PTPRM: variants seen among roughly 807,000 people sequenced by gnomAD.
PTPRM encodes protein tyrosine phosphatase receptor type M, also known as receptor-type tyrosine-protein phosphatase mu.
In PTPRM, 47 loss-of-function variants were observed where a neutral mutation model predicts 186.7. The ratio of observed to expected loss-of-function variants is 0.25; its 90% CI spans 0.20 to 0.32. PTPRM has a LOEUF of 0.32. PTPRM is among the 10% of genes least tolerant of loss of function. The pLI is 1.00. For missense variants in PTPRM, 1,494 were observed against 1,865.0 expected (o/e 0.80, Z 3.66); for synonymous variants, 668 against 674.9 (o/e 0.99, Z 0.16).
intron 1 of PTPRM, among the ~76,000 whole-genome samples, chr18:7,623,787 C>T (rs770305002): frequency 2.0e-5 from 3 of 152,054 alleles, no homozygotes; most frequent in African/African-American, 4.8e-5. Context: ...TTACTTACCC[C>T]CAGAACAAGC....
intron 12 of PTPRM, 94 bp from the exon 13 acceptor site, chr18:8,114,697 C>T: frequency 1.0e-6 from 1 of 980,690 alleles, no homozygotes; most frequent in South Asian, 1.4e-5. Context: ...TGAGATCCTT[C>T]CTTATCAGTG....
intron 2 of PTPRM, among the ~76,000 whole-genome samples, chr18:7,879,602 G>C (rs7231618): frequency 6.6e-6 from 1 of 151,902 alleles, no homozygotes; most frequent in African/African-American, 2.4e-5. Context: ...TAATAAAAAT[G>C]GCCGTTCAGT....
chr18:8,370,843 A>G (rs765358726), intron 23 of PTPRM, 47 bp from the exon 24 acceptor site: 6 of 1,308,164 alleles, frequency 4.6e-6, no homozygotes, highest in Admixed American at 2.2e-5. Flanking sequence ...GAGGAACTCC[A>G]AAAAAACCAA....
chr18:7,962,726 A>T (rs1214957511), intron 7 of PTPRM, among the ~76,000 whole-genome samples: 2 of 152,224 alleles, frequency 1.3e-5, no homozygotes, highest in Non-Finnish European at 2.9e-5. Context: ...TGTGGGAAAA[A>T]AGGAAATAAT....
intron 20 of PTPRM, among the ~76,000 whole-genome samples, chr18:8,313,245 A>G (rs2095282956): frequency 6.6e-6 from 1 of 152,198 alleles, no homozygotes; most frequent in Non-Finnish European, 1.5e-5. Context: ...CTCTAGCAAC[A>G]TTGGAAGTGA....
rs2036448706 is a variant in PTPRM, at chr18:7,567,318, T to G, written c.-501T>G. 1.4e-5 allele frequency: 2 copies of G among 147,994 alleles called. No homozygotes were observed. The highest frequency in any genetic ancestry group is 4.9e-5 in the African/African-American group (2 of 40,936). 9.2% of individuals were successfully genotyped at this position (147,994 alleles called of 1,614,324 possible). A position where few individuals can be genotyped will look rare whatever the true frequency, so the allele number is the denominator to read the frequency against. On this transcript the variant is annotated 5_prime_UTR_variant, in exon 1 of 33. Transcript: ENST00000580170. The surrounding 1 kb of genome is among the most constrained non-coding windows in gnomAD (Gnocchi z 4.3). Reference sequence around the variant, plus strand: ...CAGCCGGCCTGCGGGGCACCGCCAGTCAGTCGGGGAGCAAGAGCCCCGCGC... The same window carrying G: ...CAGCCGGCCTGCGGGGCACCGCCAGGCAGTCGGGGAGCAAGAGCCCCGCGC...
In PTPRM at chr18:7,874,484, T is replaced by C. The variant is rs558556322; in HGVS notation, c.197-13622T>C. Among the ~76,000 whole-genome samples, 8 of 152,158 alleles carry C rather than the reference T, an allele frequency of 5.3e-5. No individual in the cohort carries two copies. The South Asian group carries it at 1.7e-3, about 32-fold the overall frequency. On this transcript the variant is annotated intron_variant, in intron 2 of 32. Coordinates refer to ENST00000580170, the MANE Select transcript of PTPRM (RefSeq NM_001105244.2). ...TGGAAAGCTGATCGATCATTCATCA[T>C]CAAGTGAGGACATTTCAAATGAAGC...
intron 1 of PTPRM, among the ~76,000 whole-genome samples, chr18:7,729,557 G>T (rs2040615908): frequency 6.6e-6 from 1 of 151,978 alleles, no homozygotes; most frequent in African/African-American, 2.4e-5. Flanking sequence ...AGACTTAGAA[G>T]AATATAGTCA....
chr18:8,239,530 G>A (rs9951847), intron 14 of PTPRM, among the ~76,000 whole-genome samples: 37,980 of 151,954 alleles, frequency 0.25, 5,693 homozygotes, highest in African/African-American at 0.42. Flanking sequence ...CCTCTAAGAT[G>A]TGTCCACACT....
At chr18:8,156,171 G>A (rs996575320) in intron 14 of PTPRM, among the ~76,000 whole-genome samples, 1 of 152,142 alleles carries the variant, frequency 6.6e-6, no homozygotes, top group African/African-American at 2.4e-5. Context: ...CCTCTTCTGA[G>A]CTGGACTTTA....
intron 32 of PTPRM, among the ~76,000 whole-genome samples, chr18:8,398,034 G>A (rs77684671): frequency 4.0e-4 from 61 of 152,268 alleles, no homozygotes; most frequent in African/African-American, 1.3e-3. Flanking sequence ...GTGCAGTGGC[G>A]TGATCATAGC....
chr18:7,765,509 A>G (rs2041976210), intron 1 of PTPRM, among the ~76,000 whole-genome samples: 1 of 152,186 alleles, frequency 6.6e-6, no homozygotes, highest in Admixed American at 6.5e-5. Flanking sequence ...TGTGATTTAA[A>G]AGAAGAAAGC....
At chr18:7,699,873 T>C (rs1299412183) in intron 1 of PTPRM, among the ~76,000 whole-genome samples, 7 of 152,192 alleles carry the variant, frequency 4.6e-5, no homozygotes, top group African/African-American at 1.7e-4. Flanking sequence ...CCATCTGGAA[T>C]TGGTTTTTGT....
intron 7 of PTPRM, among the ~76,000 whole-genome samples, chr18:8,001,564 T>G (rs574953334): frequency 3.6e-4 from 55 of 152,176 alleles, no homozygotes; most frequent in Non-Finnish European, 6.2e-4. Context: ...TCCACCAGCC[T>G]AGATACACAC....
chr18:7,962,475 A>G (rs2053747880), intron 7 of PTPRM, among the ~76,000 whole-genome samples: 2 of 152,152 alleles, frequency 1.3e-5, no homozygotes, highest in South Asian at 4.1e-4. Flanking sequence ...TACCCGGTCC[A>G]GTCTAAATGT....
intron 24 of PTPRM, 103 bp from the exon 25 acceptor site, chr18:8,375,943 A>G: frequency 7.8e-7 from 1 of 1,284,878 alleles, no homozygotes; most frequent in South Asian, 1.4e-5. Context: ...CTGGCCCTAG[A>G]CTTGCTACCT....
Position 7,926,694 on chromosome 18 carries a change from T to C in PTPRM, c.663+11T>C, listed in dbSNP as rs370683769. Reference sequence around the variant, plus strand: ...AGGCTCTGGTTACAGGTACAGTAACTCATTTTCATCAGTTGATGAGAGTCC... The same window carrying C: ...AGGCTCTGGTTACAGGTACAGTAACCCATTTTCATCAGTTGATGAGAGTCC... On this transcript the variant is annotated intron_variant, in intron 5 of 32. Transcript: ENST00000580170. 3.6e-5 allele frequency: 57 copies of C among 1,595,392 alleles called. No individual in the cohort carries two copies. The African/African-American group carries it at 6.7e-4, about 19-fold the overall frequency.
chr18:8,159,879 GA>G (rs1361455897), intron 14 of PTPRM, among the ~76,000 whole-genome samples: 1 of 152,002 alleles, frequency 6.6e-6, no homozygotes, highest in East Asian at 1.9e-4. Context: ...AAATTTCAGG[GA>G]TGTAAGTTTC....
chr18:7,888,198 A>C lies in PTPRM; in HGVS notation c.289A>C (p.Ile97Leu). ...PQLKENDTHC[I>L]DFHYFVSSKS... ...ACTTAAAGAAAATGACACCCACTGC[A>C]TCGATTTTCACTATTTTGTGTCCAG... Residue 97 changes from isoleucine (I) to leucine (L), a missense_variant, in exon 3 of 33, where the codon ATC becomes CTC. Physicochemically the swap from Ile to Leu is conservative, Grantham distance 5. This residue lies in a region of PTPRM where 296 missense variants were observed against 345.5 expected (regional missense o/e 0.86). Coordinates refer to ENST00000580170, the MANE Select transcript of PTPRM (RefSeq NM_001105244.2). 6.2e-7 allele frequency: 1 copy of C among 1,614,124 alleles called. No homozygotes were observed.
Sources: gnomAD v4.1 joint callset for allele counts (sites outside exome capture counted in the v4.1 genomes callset) on GRCh38, gnomAD v4.1.1 for gene constraint, gnomAD v4.1.1 regional missense constraint, Gnocchi (gnomAD v3.1) non-coding constraint, MANE v1.5 for transcripts, NCBI Gene and HGNC (gene_info 2026-07-23, HGNC 2026-07-21) for gene names.